The following MSH4 variants were observed in gnomAD, a reference collection of about 807,000 sequenced individuals.
MSH4 encodes the protein mutS homolog 4.
In MSH4, 106 loss-of-function variants were observed where a neutral mutation model predicts 113.7. The observed-to-expected ratio is 0.93, with a 90% CI of 0.80 to 1.10. The LOEUF (loss-of-function observed/expected upper bound fraction) is 1.10. MSH4 is among the 50% of genes least tolerant of loss of function. MSH4 has a pLI of 0.00. For synonymous variants in MSH4, 368 were observed against 380.2 expected (o/e 0.97, Z 0.37); for missense variants, 1,061 against 1,093.7 (o/e 0.97, Z 0.42).
chr1:75,878,895 A>G, intron 11 of MSH4, 97 bp from the exon 12 acceptor site: 1 of 1,100,492 alleles, frequency 9.1e-7, no homozygotes, highest in Non-Finnish European at 1.3e-6. Context: ...TAAAATAAGA[A>G]TTTAAAAACC....
At chr1:75,841,203 TTCTC>T (rs1204513278) in intron 7 of MSH4, among the ~76,000 whole-genome samples, 3 of 144,680 alleles carry the variant, frequency 2.1e-5, no homozygotes, top group East Asian at 2.4e-4. Context: ...TTTTTTTTTG[TTCTC>T]TCTCTCTTTC....
At chr1:75,878,375 T>C in intron 11 of MSH4, 57 bp downstream of exon 11, 1 of 1,370,540 alleles carries the variant, frequency 7.3e-7, no homozygotes. Context: ...TTTCAGGACA[T>C]GCTGTCCTTT....
chr1:75,905,670 A>T (rs1393962006), intron 19 of MSH4, among the ~76,000 whole-genome samples: 2 of 152,058 alleles, frequency 1.3e-5, no homozygotes, highest in Non-Finnish European at 2.9e-5. Context: ...CTAGTATTGT[A>T]TTGCAGTCTA....
intron 19 of MSH4, among the ~76,000 whole-genome samples, chr1:75,900,778 A>G (rs919253206): frequency 6.6e-6 from 1 of 151,856 alleles, no homozygotes; most frequent in African/African-American, 2.4e-5. Flanking sequence ...CACTTGCCTA[A>G]TTATCTATTT....
chr1:75,851,481 G>A (rs1470195134), intron 8 of MSH4, among the ~76,000 whole-genome samples: 2 of 151,992 alleles, frequency 1.3e-5, no homozygotes, highest in East Asian at 3.9e-4. Context: ...GCGCCATCTC[G>A]GCTCACTGCC....
intron 19 of MSH4, among the ~76,000 whole-genome samples, chr1:75,906,692 A>G (rs1652664010): frequency 1.4e-5 from 2 of 146,098 alleles, no homozygotes; most frequent in South Asian, 4.3e-4. Context: ...GAAAGTAACA[A>G]ACAATGGAAA....
At chr1:75,828,382 C>T (rs547415848) in intron 7 of MSH4, among the ~76,000 whole-genome samples, 18 of 152,130 alleles carry the variant, frequency 1.2e-4, no homozygotes, top group Non-Finnish European at 2.2e-4. Context: ...ACATTATTCA[C>T]GGCAGCAAAG....
intron 7 of MSH4, among the ~76,000 whole-genome samples, chr1:75,837,959 G>C (rs1334228486): frequency 2.0e-5 from 3 of 152,096 alleles, no homozygotes; most frequent in African/African-American, 7.2e-5. Flanking sequence ...CAACCTTGCT[G>C]TTTCTAGCCT....
intron 6 of MSH4, among the ~76,000 whole-genome samples, chr1:75,816,842 G>T (rs556698798): frequency 6.6e-6 from 1 of 152,224 alleles, no homozygotes; most frequent in East Asian, 1.9e-4. Flanking sequence ...GGCCAGGCTG[G>T]TCTCAAATTC....
At chr1:75,856,623 T>A (rs901560543) in intron 8 of MSH4, among the ~76,000 whole-genome samples, 2 of 152,220 alleles carry the variant, frequency 1.3e-5, no homozygotes, top group Non-Finnish European at 2.9e-5. Flanking sequence ...GAACTCATCC[T>A]TTTTTATGGC....
intron 16 of MSH4, among the ~76,000 whole-genome samples, chr1:75,889,604 G>C (rs1652205585): frequency 1.3e-5 from 2 of 152,120 alleles, no homozygotes; most frequent in African/African-American, 4.8e-5. Flanking sequence ...AGTAATAAAA[G>C]TGTGCCTAAA....
chr1:75,876,923 T>G lies in MSH4; in HGVS notation c.1306-13T>G. On this transcript the variant is annotated splice_polypyrimidine_tract_variant and intron_variant, in intron 9 of 19. Transcript: ENST00000263187. ...TTGATTATCCTTAACTTTTTTATTT[T>G]ATTCTTTAATAGATTGCTATGAAGA... 1 of 1,444,704 alleles carries G rather than the reference T, an allele frequency of 6.9e-7. No individual in the cohort carries two copies. Among genetic ancestry groups the G allele is most frequent in the Non-Finnish European group, 9.3e-7 (1 of 1,070,636 alleles). 89.5% of individuals were successfully genotyped at this position (1,444,704 alleles called of 1,614,324 possible).
At chr1:75,901,574 G>A (rs188658158) in intron 19 of MSH4, among the ~76,000 whole-genome samples, 228 of 152,168 alleles carry the variant, frequency 1.5e-3, no homozygotes, top group African/African-American at 5.2e-3. Context: ...GGACACTTAG[G>A]TTGATCCATA....
chr1:75,846,064 C>CT (rs1651068469), intron 7 of MSH4, among the ~76,000 whole-genome samples: 1 of 118,548 alleles, frequency 8.4e-6, no homozygotes, highest in African/African-American at 3.5e-5. Flanking sequence ...GTTGTGGTGG[C>CT]TGAGAGGTGC....
intron 15 of MSH4, among the ~76,000 whole-genome samples, chr1:75,885,053 G>GTATATA (rs1440812710): frequency 7.1e-4 from 74 of 103,670 alleles, no homozygotes; most frequent in African/African-American, 2.8e-3. Context: ...GTGTGTGTGT[G>GTATATA]TGTGTGTATA....
At chr1:75,889,033 C>A (rs1652192599) in intron 15 of MSH4, among the ~76,000 whole-genome samples, 1 of 151,828 alleles carries the variant, frequency 6.6e-6, no homozygotes, top group Admixed American at 6.6e-5. Flanking sequence ...TAGTTGGGAC[C>A]ACAGTTTCCC....
intron 6 of MSH4, among the ~76,000 whole-genome samples, chr1:75,817,747 A>G (rs1650323036): frequency 6.6e-6 from 1 of 152,084 alleles, no homozygotes; most frequent in African/African-American, 2.4e-5. Context: ...TCTATAACAA[A>G]TGGGAGGTTT....
intron 19 of MSH4, among the ~76,000 whole-genome samples, chr1:75,907,694 A>C (rs1449078054): frequency 0.22 from 7,422 of 33,972 alleles, 471 homozygotes; most frequent in East Asian, 0.4. Context: ...CTATACATAT[A>C]TATATATATA....
At chr1:75,813,319 G>A (rs182574755) in intron 4 of MSH4, among the ~76,000 whole-genome samples, 15 of 152,254 alleles carry the variant, frequency 9.9e-5, no homozygotes, top group Admixed American at 9.8e-4. Flanking sequence ...AGAATCACAT[G>A]GAATGGGGGA....
Sources: gnomAD v4.1 joint callset for allele counts (sites outside exome capture counted in the v4.1 genomes callset) on GRCh38, gnomAD v4.1.1 for gene constraint, MANE v1.5 for transcripts, NCBI Gene and HGNC (gene_info 2026-07-23, HGNC 2026-07-21) for gene names.